Variants in PLAC1 observed in about 807,000 individuals in gnomAD.
PLAC1 encodes the protein placenta associated 1, also known as placenta-specific protein 1.
For synonymous variants in PLAC1, 68 were observed against 62.1 expected (o/e 1.09, Z -0.44); for missense variants, 136 against 163.2 (o/e 0.83, Z 0.91).
At chrX:134,597,679 G>A (rs2078068470) in intron 2 of PLAC1, among the ~76,000 whole-genome samples, 1 of 111,903 alleles carries the variant, frequency 8.9e-6, no homozygotes, top group African/African-American at 3.2e-5. Flanking sequence ...TGCCAAATTG[G>A]GGTAGAAGTT....
chrX:134,684,589 C>T (rs184483010), intron 2 of PLAC1, among the ~76,000 whole-genome samples: 12 of 111,245 alleles, frequency 1.1e-4, no homozygotes, highest in Admixed American at 9.6e-5. Flanking sequence ...TCTTGCTAGG[C>T]CACTTCATAC....
At position 134,695,300 on chromosome X, in the gene PLAC1, G is replaced by A. The variant is rs1237876036; in HGVS notation, n.174+38135C>T. Among the ~76,000 whole-genome samples, 5 of 111,717 alleles carry A rather than the reference G, an allele frequency of 4.5e-5. No individual in the cohort carries two copies. The South Asian group carries it at 1.1e-3, about 25-fold the overall frequency. ...TGGATGCCTTTATTTGGCTGTGCTG[G>A]GGGGGATATCAAATCCCTCTTCAAT... On this transcript the variant is annotated intron_variant and non_coding_transcript_variant, in intron 2 of 2. Transcript: ENST00000466797.
chrX:134,754,758 C>CTTTTT (rs760098539), intron 1 of PLAC1, among the ~76,000 whole-genome samples: 35 of 66,087 alleles, frequency 5.3e-4, no homozygotes, highest in Admixed American at 8.9e-4. Flanking sequence ...ATTTATTGTT[C>CTTTTT]TTTTTTTTTT....
chrX:134,576,467 C>T (rs1030620199), intron 2 of PLAC1, among the ~76,000 whole-genome samples: 5 of 105,204 alleles, frequency 4.8e-5, no homozygotes, highest in Non-Finnish European at 7.7e-5. Context: ...ACCCAGGAGG[C>T]GGAGGTTGCA....
At chrX:134,587,067 A>C (rs1050826745) in intron 2 of PLAC1, among the ~76,000 whole-genome samples, 2 of 110,615 alleles carry the variant, frequency 1.8e-5, no homozygotes, top group Non-Finnish European at 3.8e-5. Flanking sequence ...GCCTTGCTTC[A>C]TGTAGGCTTC....
intron 2 of PLAC1, among the ~76,000 whole-genome samples, chrX:134,730,108 T>C (rs938760117): frequency 2.7e-5 from 3 of 111,916 alleles, no homozygotes; most frequent in African/African-American, 6.5e-5. Context: ...GACAGTTTTG[T>C]TGTACACATG....
At chrX:134,715,602 T>G (rs1434637021) in intron 2 of PLAC1, among the ~76,000 whole-genome samples, 1 of 111,782 alleles carries the variant, frequency 8.9e-6, no homozygotes, top group African/African-American at 3.3e-5. Context: ...GGGACTTCAT[T>G]TGTGTCCTTG....
chrX:134,668,791 G>A (rs2078445524), intron 2 of PLAC1, among the ~76,000 whole-genome samples: 2 of 112,679 alleles, frequency 1.8e-5, no homozygotes, highest in South Asian at 3.6e-4. Flanking sequence ...CCCTGAGATT[G>A]GGGCAGGATG....
intron 1 of PLAC1, among the ~76,000 whole-genome samples, chrX:134,654,949 T>C (rs947334914): frequency 8.9e-6 from 1 of 112,260 alleles, no homozygotes; most frequent in Middle Eastern, 4.6e-3. Flanking sequence ...CTCTCCCAGT[T>C]GAATAGATAA....
At chrX:134,587,396 A>AAAATAAAT (rs376170313) in intron 2 of PLAC1, among the ~76,000 whole-genome samples, 3,524 of 105,067 alleles carry the variant, frequency 0.034, 80 homozygotes, top group Non-Finnish European at 0.047. Flanking sequence ...TGTCTTTACA[A>AAAATAAAT]AAATAAATAA....
At chrX:134,580,129 T>C (rs1225380145) in intron 2 of PLAC1, among the ~76,000 whole-genome samples, 1 of 112,305 alleles carries the variant, frequency 8.9e-6, no homozygotes, top group Non-Finnish European at 1.9e-5. Context: ...AACTTTTCTA[T>C]ATGCCCTCAA....
chrX:134,589,272 G>A (rs1375835400), intron 2 of PLAC1, among the ~76,000 whole-genome samples: 5 of 111,068 alleles, frequency 4.5e-5, no homozygotes, highest in Admixed American at 9.5e-5. Context: ...GATGGAAATC[G>A]TAATTTTTAG....
At chrX:134,649,378 T>C (rs952905518) in intron 1 of PLAC1, among the ~76,000 whole-genome samples, 1 of 111,458 alleles carries the variant, frequency 9.0e-6, no homozygotes, top group Non-Finnish European at 1.9e-5. Context: ...ATCTATTGTA[T>C]CTGTATGGTG....
intron 1 of PLAC1, among the ~76,000 whole-genome samples, chrX:134,761,198 T>C (rs534405054): frequency 7.2e-5 from 8 of 111,410 alleles, no homozygotes; most frequent in African/African-American, 2.6e-4. Context: ...AAAAAAAATA[T>C]ATAGATGGAT....
chrX:134,621,507 G>A (rs1012440721), intron 1 of PLAC1, among the ~76,000 whole-genome samples: 7 of 108,015 alleles, frequency 6.5e-5, no homozygotes, highest in African/African-American at 2.4e-4. Context: ...TTGAGACCTC[G>A]GAGGCAGTTA....
intron 2 of PLAC1, among the ~76,000 whole-genome samples, chrX:134,581,602 C>G (rs1293238810): frequency 9.3e-6 from 1 of 107,533 alleles, no homozygotes. Flanking sequence ...CCTCAGCCCC[C>G]CGAGTAGCTG....
At chrX:134,704,505 A>C (rs1192327838) in intron 2 of PLAC1, among the ~76,000 whole-genome samples, 1 of 105,301 alleles carries the variant, frequency 9.5e-6, no homozygotes, top group Non-Finnish European at 1.9e-5. Context: ...AAAAAAAAAA[A>C]CAAAATAACA....
chrX:134,566,684 C>T lies in PLAC1; in HGVS notation c.-2G>A. The T allele has an allele frequency of 8.5e-7, 1 of 1,177,910 alleles. No individual in the cohort carries two copies. Among genetic ancestry groups the T allele is most frequent in the Non-Finnish European group, 1.1e-6 (1 of 874,360 alleles). On this transcript the variant is annotated 5_prime_UTR_variant, in exon 3 of 3. Transcript: ENST00000359237. ...TCCTATGAACTTAAAAACTTTCATC[C>T]CTGCAGCCAATCAGATAATGAACCA...
chrX:134,650,214 C>T (rs1399245846), intron 1 of PLAC1, among the ~76,000 whole-genome samples: 11 of 112,095 alleles, frequency 9.8e-5, no homozygotes, highest in African/African-American at 3.6e-4. Context: ...CTGAAATTTC[C>T]CATGTCATGT....
Sources: gnomAD v4.1 joint callset for allele counts (sites outside exome capture counted in the v4.1 genomes callset) on GRCh38, gnomAD v4.1.1 for gene constraint, MANE v1.5 for transcripts, NCBI Gene and HGNC (gene_info 2026-07-23, HGNC 2026-07-21) for gene names.